POGZ: variants seen among roughly 807,000 people sequenced by gnomAD.
POGZ encodes the protein pogo transposable element with ZNF domain.
Under a neutral mutation model 134.6 loss-of-function variants are expected in POGZ, and 17 were observed. The ratio of observed to expected loss-of-function variants is 0.13; its 90% CI spans 0.09 to 0.19. The LOEUF (loss-of-function observed/expected upper bound fraction) is 0.19. Ranked by LOEUF, POGZ falls within the 10% of genes least tolerant of loss-of-function variation. The pLI is 1.00. For missense variants in POGZ, 1,306 were observed against 1,769.7 expected (o/e 0.74, Z 4.70); for synonymous variants, 693 against 657.1 (o/e 1.05, Z -0.84).
At chr1:151,411,923 T>G in intron 11 of POGZ, 152 bp from the exon 12 acceptor site, 1 of 621,730 alleles carries the variant, frequency 1.6e-6, no homozygotes, top group Non-Finnish European at 2.7e-6. Flanking sequence ...TTTGTAATGC[T>G]GGGCTATGTT....
chr1:151,428,558 A>G, intron 5 of POGZ, 145 bp from the exon 6 acceptor site: 1 of 729,088 alleles, frequency 1.4e-6, no homozygotes, highest in Non-Finnish European at 2.3e-6. Flanking sequence ...CTAAAGACTA[A>G]GAAAGCACAA....
intron 3 of POGZ, among the ~76,000 whole-genome samples, chr1:151,438,746 C>T (rs779464990): frequency 6.6e-6 from 1 of 152,096 alleles, no homozygotes; most frequent in Non-Finnish European, 1.5e-5. Flanking sequence ...GGCATGGTGG[C>T]ATGTGCCTGT....
At chr1:151,427,716 G>T in intron 7 of POGZ, 107 bp downstream of exon 7, 1 of 776,584 alleles carries the variant, frequency 1.3e-6, no homozygotes, top group Non-Finnish European at 2.1e-6. Context: ...TACAGCAGCT[G>T]TATTTTATTT....
Position 151,459,297 on chromosome 1 carries a change from G to A in POGZ, c.-147C>T, listed in dbSNP as rs1378672421. The A allele has an allele frequency of 6.6e-6, 1 of 150,686 alleles. No individual in the cohort carries two copies. The highest frequency in any genetic ancestry group is 2.4e-5 in the African/African-American group (1 of 41,090). The allele number at this position is 150,686 out of a possible 1,614,324, so 9.3% of individuals were successfully genotyped here. ...GACGAAGAAGAGGTAACCGTTGAAA[G>A]CTCGTCTCCCCAAGGGTGAAAGGAA... On this transcript the variant is annotated 5_prime_UTR_variant, in exon 1 of 19. Transcript: ENST00000271715.
rs376882076 is a variant in POGZ at position 151,424,555 on chromosome 1, AAAG to A, written c.1186-272_1186-270del. ...ATAACTTGGCTCTGAGCTCCCTGGC[AAAG>A]AAGAAGTTCCAACCTTTTTATCTGG... is the stretch of plus-strand genomic sequence containing the variant. On this transcript the variant is annotated intron_variant, in intron 8 of 18. Coordinates refer to ENST00000271715, the MANE Select transcript of POGZ (RefSeq NM_015100.4). 246 of 349,256 alleles carry A rather than the reference AAAG, an allele frequency of 7.0e-4. No individual in the cohort carries two copies. In the East Asian group the frequency reaches 9.2e-3, roughly 13 times the overall value. The allele number at this position is 349,256 out of a possible 1,614,324, so 21.6% of individuals were successfully genotyped here.
At position 151,423,381 on chromosome 1, in the gene POGZ, G is replaced by A. The variant is rs116677656; in HGVS notation, c.1678+16C>T. 392 of 1,611,008 alleles carry A rather than the reference G, an allele frequency of 2.4e-4. 1 individual carries two copies. In the African/African-American group the frequency reaches 4.7e-3, roughly 19 times the overall value. On this transcript the variant is annotated intron_variant, in intron 10 of 18. Transcript: ENST00000271715. ...CAAGGTATATTCCCCTTGAGTTTAAGAGTTTCCAAACTTACTAGTAGATTC... is the reference window on the plus strand; with the variant it reads ...CAAGGTATATTCCCCTTGAGTTTAAAAGTTTCCAAACTTACTAGTAGATTC...
intron 1 of POGZ, chr1:151,450,806 T>A (rs994325477): frequency 6.8e-6 from 1 of 148,050 alleles, no homozygotes; most frequent in African/African-American, 2.7e-5. Flanking sequence ...CCTATTTCTA[T>A]GTTCTTCCTC....
intron 3 of POGZ, among the ~76,000 whole-genome samples, chr1:151,436,082 G>C (rs1011884805): frequency 2.7e-5 from 4 of 149,154 alleles, no homozygotes; most frequent in Non-Finnish European, 5.9e-5. Flanking sequence ...TCAGCCTCCC[G>C]AGTAGCTGGG....
chr1:151,455,022 G>C (rs981384120), intron 1 of POGZ: 1 of 151,824 alleles, frequency 6.6e-6, no homozygotes, highest in African/African-American at 2.4e-5. Flanking sequence ...GAGGAGAATC[G>C]CTTGAACCCA....
At position 151,408,699 on chromosome 1, in the gene POGZ, T is replaced by C. The variant is rs1654110374; in HGVS notation, c.2056A>G (p.Thr686Ala). 6.2e-7 allele frequency: 1 copy of C among 1,613,668 alleles called. No individual in the cohort carries two copies. Among genetic ancestry groups the C allele is most frequent in the East Asian group, 2.2e-5 (1 of 44,880 alleles). The stretch of plus-strand genomic sequence containing the variant: ...GACACTGGCAAACTCTTTACCTTGG[T>C]GCCTGGTTTCAAGCCCTCCAGCTGC... ...PKQLEGLKPG[T>A]KVTIRASRGQ... The change falls in exon 13 of 19, where the codon ACC (threonine) becomes GCC (alanine). Residue 686 changes from threonine to alanine, a missense_variant. Physicochemically the swap from Thr to Ala is moderately conservative, Grantham distance 58 (BLOSUM62 0). This residue lies in a region of POGZ where 149 missense variants were observed against 237.5 expected (regional missense o/e 0.63). Coordinates refer to ENST00000271715, the MANE Select transcript of POGZ (RefSeq NM_015100.4).
At chr1:151,424,422 A>T in intron 8 of POGZ, 136 bp from the exon 9 acceptor site, 1 of 587,066 alleles carries the variant, frequency 1.7e-6, no homozygotes, top group Non-Finnish European at 2.9e-6. Flanking sequence ...AGTTTTTTTT[A>T]GCGTTTCCAA....
chr1:151,423,702 A>G (rs1190962396), intron 9 of POGZ, 151 bp from the exon 10 acceptor site: 3 of 712,314 alleles, frequency 4.2e-6, no homozygotes, highest in Non-Finnish European at 6.9e-6. Context: ...GCCCAGAAAG[A>G]TAATGAGTTC....
chr1:151,448,914 T>C (rs1341500706), intron 1 of POGZ, among the ~76,000 whole-genome samples: 4 of 152,124 alleles, frequency 2.6e-5, no homozygotes, highest in Non-Finnish European at 5.9e-5. Flanking sequence ...CTATCTTTCC[T>C]TGAACACAAG....
At chr1:151,421,911 G>A (rs1163646291) in intron 10 of POGZ, among the ~76,000 whole-genome samples, 1 of 151,964 alleles carries the variant, frequency 6.6e-6, no homozygotes, top group Non-Finnish European at 1.5e-5. Context: ...CACCACCACA[G>A]CCAGCGAATT....
chr1:151,424,121 G>C lies in POGZ; in HGVS notation c.1351C>G (p.Pro451Ala). The C allele has an allele frequency of 6.2e-7, 1 of 1,614,152 alleles. No individual in the cohort carries two copies. Among genetic ancestry groups the C allele is most frequent in the South Asian group, 1.1e-5 (1 of 91,082 alleles). The change falls in exon 9 of 19, where the codon CCA becomes GCA. Residue 451 changes from proline (P) to alanine (A), a missense_variant. Pro to Ala is a conservative substitution (Grantham distance 27). Around this residue, in one of 10 missense-constraint regions of POGZ, gnomAD observed 541 missense variants for 680.5 expected, o/e 0.80. Transcript: ENST00000271715. ...IPALSPPTKV[P>A]EPNENVGDAV... is the part of the protein sequence containing the mutation. ...TCGCCCACGTTCTCATTTGGTTCTGGTACTTTGGTAGGCGGTGACAGAGCA... is the reference window on the plus strand; with the variant it reads ...TCGCCCACGTTCTCATTTGGTTCTGCTACTTTGGTAGGCGGTGACAGAGCA...
rs551795315 is a variant in POGZ, at chr1:151,411,020, T to C, written c.1926+605A>G. Among the ~76,000 whole-genome samples, 6 of 152,370 alleles carry C rather than the reference T, an allele frequency of 3.9e-5. No homozygotes were observed. The South Asian group carries it at 1.0e-3, about 26-fold the overall frequency. On this transcript the variant is annotated intron_variant, in intron 12 of 18. Transcript: ENST00000271715. ...AAAAAGGCCTTCTAGCTAGTTTCCC[T>C]AACTGTAGTCTCAATCTCCTTTAAT...
intron 17 of POGZ, 98 bp from the exon 18 acceptor site, chr1:151,406,729 T>C (rs1348480063): frequency 9.0e-7 from 1 of 1,116,838 alleles, no homozygotes; most frequent in African/African-American, 1.6e-5. Flanking sequence ...ACAAATACGC[T>C]GTTCGCAGTG....
At chr1:151,448,411 A>G (rs1661566774) in intron 1 of POGZ, among the ~76,000 whole-genome samples, 2 of 152,130 alleles carry the variant, frequency 1.3e-5, no homozygotes, top group South Asian at 4.1e-4. Context: ...CAGGAGTTCG[A>G]GACCAGCTTG....
intron 11 of POGZ, 33 bp from the exon 12 acceptor site, chr1:151,411,804 A>G: frequency 6.3e-7 from 1 of 1,587,676 alleles, no homozygotes; most frequent in Non-Finnish European, 8.6e-7. Flanking sequence ...TAAGGCTAAG[A>G]ATGAAGTGAA....
Sources: allele counts gnomAD v4.1 joint callset (sites outside exome capture counted in the v4.1 genomes callset), GRCh38; gene constraint gnomAD v4.1.1; regional missense constraint gnomAD v4.1.1; transcripts MANE v1.5; gene names NCBI Gene and HGNC (gene_info 2026-07-23, HGNC 2026-07-21).